The following MINDY2 variants were observed in gnomAD, a reference collection of about 807,000 sequenced individuals.
MINDY2 encodes ubiquitin carboxyl-terminal hydrolase MINDY-2.
MINDY2 carries 52 observed loss-of-function variants against 68.2 expected under a neutral mutation model. The observed-to-expected ratio is 0.76, with a 90% CI of 0.61 to 0.96. MINDY2 has a LOEUF of 0.96. MINDY2 is among the 40% of genes least tolerant of loss of function. The probability of loss-of-function intolerance (pLI) is 0.00; values close to 1 mark genes in which losing one functional copy is unlikely to be tolerated. For synonymous variants in MINDY2, 372 were observed against 303.0 expected (o/e 1.23, Z -2.36); for missense variants, 881 against 773.4 (o/e 1.14, Z -1.65).
intron 6 of MINDY2, among the ~76,000 whole-genome samples, chr15:58,838,987 T>C (rs2032143098): frequency 6.6e-6 from 1 of 152,152 alleles, no homozygotes; most frequent in African/African-American, 2.4e-5. Flanking sequence ...AAGTCCATGA[T>C]GGCAGGACAA....
chr15:58,821,376 TA>T (rs1567061296), intron 4 of MINDY2, among the ~76,000 whole-genome samples: 6 of 151,458 alleles, frequency 4.0e-5, no homozygotes, highest in Admixed American at 2.6e-4. Flanking sequence ...AAAAAATGGA[TA>T]TTTTCTTATT....
chr15:58,843,503 A>C (rs1308432269), intron 6 of MINDY2, among the ~76,000 whole-genome samples: 1 of 152,214 alleles, frequency 6.6e-6, no homozygotes, highest in Non-Finnish European at 1.5e-5. Context: ...ATATTTAGCC[A>C]GTGCTTTCCT....
intron 1 of MINDY2, among the ~76,000 whole-genome samples, chr15:58,777,965 A>G (rs1407864235): frequency 2.6e-5 from 4 of 152,074 alleles, no homozygotes; most frequent in Non-Finnish European, 4.4e-5. Context: ...TAAAAATCTT[A>G]TTTTAGCTGT....
intron 6 of MINDY2, among the ~76,000 whole-genome samples, chr15:58,843,475 C>T (rs192800193): frequency 1.4e-3 from 216 of 152,124 alleles, no homozygotes; most frequent in African/African-American, 4.6e-3. Context: ...AATTTGAATC[C>T]GAGCTAGTTA....
rs770902321 is a variant in MINDY2, at chr15:58,794,379, G to GTA, written c.898+6417_898+6418insAT. On this transcript the variant is annotated intron_variant, in intron 2 of 8. Transcript: ENST00000559228. ...TTGGGGTGTGTGTGTGTGTGTGTGT[G>GTA]TGTGTGTGTGTGTGTGTTTTAAGAA... Among the ~76,000 whole-genome samples the GTA allele has an allele frequency of 2.6e-4, 40 of 151,468 alleles. 1 individual carries two copies. The highest frequency in any genetic ancestry group is 9.0e-4 in the African/African-American group (37 of 41,194).
At chr15:58,852,929 T>TGTTTG (rs1567079696) in intron 8 of MINDY2, among the ~76,000 whole-genome samples, 1 of 2,436 alleles carries the variant, frequency 4.1e-4, no homozygotes, top group African/African-American at 7.0e-4. Flanking sequence ...CCTGTTTTTT[T>TGTTTG]TTTTTTTTTT....
intron 3 of MINDY2, among the ~76,000 whole-genome samples, chr15:58,808,973 A>T (rs1431755476): frequency 1.3e-5 from 2 of 152,202 alleles, no homozygotes; most frequent in East Asian, 3.8e-4. Flanking sequence ...ATACGTTGAG[A>T]GGCTGAGGCG....
At chr15:58,791,496 A>G (rs879483596) in intron 2 of MINDY2, among the ~76,000 whole-genome samples, 12 of 151,600 alleles carry the variant, frequency 7.9e-5, no homozygotes, top group Admixed American at 1.3e-4. Context: ...GTGCACCTGT[A>G]GTCCCAGCTA....
intron 4 of MINDY2, among the ~76,000 whole-genome samples, chr15:58,816,823 C>T (rs2030718511): frequency 6.6e-6 from 1 of 152,110 alleles, no homozygotes; most frequent in Non-Finnish European, 1.5e-5. Context: ...GGTGAGGTGG[C>T]ATCCCTGTAG....
intron 4 of MINDY2, among the ~76,000 whole-genome samples, chr15:58,815,033 G>A (rs2030584901): frequency 6.6e-6 from 1 of 152,028 alleles, no homozygotes; most frequent in African/African-American, 2.4e-5. Context: ...CAAAAATCAA[G>A]AAGATTTAGT....
At chr15:58,810,205 G>A in intron 3 of MINDY2, 25 bp from the exon 4 acceptor site, 1 of 1,576,014 alleles carries the variant, frequency 6.3e-7, no homozygotes, top group South Asian at 1.2e-5. Context: ...TTCTGAATTA[G>A]AACTTTCCCC....
At chr15:58,833,305 C>T (rs1242857075) in intron 6 of MINDY2, among the ~76,000 whole-genome samples, 2 of 152,186 alleles carry the variant, frequency 1.3e-5, no homozygotes, top group African/African-American at 2.4e-5. Flanking sequence ...CATACACACA[C>T]TATACCTTCT....
At chr15:58,821,606 T>G in intron 4 of MINDY2, 111 bp from the exon 5 acceptor site, 1 of 480,068 alleles carries the variant, frequency 2.1e-6, no homozygotes, top group Non-Finnish European at 3.2e-6. Context: ...TCGTAAATAA[T>G]AGTTTTATAT....
chr15:58,823,204 C>T (rs2031183030), intron 5 of MINDY2, among the ~76,000 whole-genome samples: 1 of 147,190 alleles, frequency 6.8e-6, no homozygotes, highest in African/African-American at 2.5e-5. Flanking sequence ...ATGGCGCGAT[C>T]TCAGCTCACT....
At chr15:58,790,310 C>T (rs1901798829) in intron 2 of MINDY2, among the ~76,000 whole-genome samples, 1 of 151,832 alleles carries the variant, frequency 6.6e-6, no homozygotes, top group Non-Finnish European at 1.5e-5. Context: ...GTTAGTGATT[C>T]CTAAGTTATA....
rs2033034433 is a variant in MINDY2, at chr15:58,855,649, A to AGT, written c.*1041_*1042dup. The AGT allele has an allele frequency of 1.3e-5, 2 of 152,520 alleles. No individual in the cohort carries two copies. Among genetic ancestry groups the AGT allele is most frequent in the Non-Finnish European group, 2.9e-5 (2 of 68,050 alleles). 9.4% of individuals were successfully genotyped at this position (152,520 alleles called of 1,614,324 possible). On this transcript the variant is annotated 3_prime_UTR_variant, in exon 9 of 9. Transcript: ENST00000559228. ...ATAAAAATCTGAAAGGGCCGGGCGC[A>AGT]GTGGCTCACGCCTGTAATCCCAACA...
chr15:58,803,615 G>A (rs761326236), intron 3 of MINDY2, among the ~76,000 whole-genome samples: 44 of 152,068 alleles, frequency 2.9e-4, no homozygotes, highest in Admixed American at 6.6e-4. Context: ...CCAGGAGTTC[G>A]AGACCAGCTG....
At position 58,842,693 on chromosome 15, in the gene MINDY2, G is replaced by C. The variant is rs1445646734; in HGVS notation, c.1369-4604G>C. On this transcript the variant is annotated intron_variant, in intron 6 of 8. Coordinates refer to ENST00000559228, the MANE Select transcript of MINDY2 (RefSeq NM_001040450.3). ...TGAGATCGATTTAGATGATACTCATGAATATAATATCTTCTGTTTATGAAG... is the reference window on the plus strand; with the variant it reads ...TGAGATCGATTTAGATGATACTCATCAATATAATATCTTCTGTTTATGAAG... Among the ~76,000 whole-genome samples, 3 of 152,176 alleles carry C rather than the reference G, an allele frequency of 2.0e-5. No individual in the cohort carries two copies. The South Asian group carries it at 6.2e-4, about 32-fold the overall frequency.
At chr15:58,846,280 T>C (rs1247323714) in intron 6 of MINDY2, among the ~76,000 whole-genome samples, 1 of 152,166 alleles carries the variant, frequency 6.6e-6, no homozygotes, top group African/African-American at 2.4e-5. Context: ...GTGATTATTA[T>C]GCATTGCATG....
Sources: allele counts gnomAD v4.1 joint callset (sites outside exome capture counted in the v4.1 genomes callset), GRCh38; gene constraint gnomAD v4.1.1; transcripts MANE v1.5; gene names NCBI Gene and HGNC (gene_info 2026-07-23, HGNC 2026-07-21).